The following SMAD7 variants were observed in gnomAD, a reference collection of about 807,000 sequenced individuals.
The protein encoded by SMAD7 is SMAD family member 7, also known as MAD (mothers against decapentaplegic, Drosophila) homolog 7.
In SMAD7, 8 loss-of-function variants were observed where a neutral mutation model predicts 38.7. The ratio of observed to expected loss-of-function variants is 0.21; its 90% confidence interval spans 0.12 to 0.37. The LOEUF (loss-of-function observed/expected upper bound fraction) is 0.37, where lower values mean the gene tolerates loss of function less well. SMAD7 is among the 10% of genes least tolerant of loss of function. The pLI, the probability that SMAD7 is intolerant of heterozygous loss-of-function variation, is 1.00. For synonymous variants in SMAD7, 327 were observed against 265.1 expected, an observed-to-expected ratio of 1.23 and a Z score of -2.27; for missense variants, 477 against 577.9, an observed-to-expected ratio of 0.83 and a Z score of 1.79.
intron 3 of SMAD7, among the ~76,000 whole-genome samples, 191 bp downstream of exon 3, chr18:48,942,290 C>G (rs1273277198): frequency 6.6e-6 from 1 of 152,162 alleles, no homozygotes; most frequent in Non-Finnish European, 1.5e-5. Context: ...GTGTCCAGAG[C>G]GTAAAGGACT....
chr18:48,921,272 G>C lies in SMAD7; in HGVS notation c.*100C>G. The C allele has an allele frequency of 1.9e-6, 2 of 1,043,014 alleles. No homozygotes were observed. Among genetic ancestry groups the C allele is most frequent in the Admixed American group, 2.5e-5 (1 of 40,712 alleles). 64.6% of individuals were successfully genotyped at this position (1,043,014 alleles called of 1,614,324 possible). ...AACAAACAAAAAAAAAACGACCAAA[G>C]AGTTTGCATGAAAAGCAAGCACTCA... On this transcript the variant is annotated 3_prime_UTR_variant, in exon 4 of 4. Transcript: ENST00000262158. This position sits in a 1 kb window ranked among gnomAD's most constrained non-coding sequence, Gnocchi z 6.4.
chr18:48,939,361 C>A (rs1301781633), intron 3 of SMAD7, among the ~76,000 whole-genome samples: 1 of 151,864 alleles, frequency 6.6e-6, no homozygotes, highest in South Asian at 2.1e-4. Context: ...AACGACCAGG[C>A]CTGTCGTCTA....
At position 48,943,110 on chromosome 18, in the gene SMAD7, T is replaced by C. The variant is rs141885702; in HGVS notation, c.668-555A>G. Reference sequence around the variant, plus strand: ...CAAAATCCCAAGTAGACGCAATGAATGTTACTCATGTATACATCTGTGTAA... The same window carrying C: ...CAAAATCCCAAGTAGACGCAATGAACGTTACTCATGTATACATCTGTGTAA... On this transcript the variant is annotated intron_variant, in intron 2 of 3. Coordinates refer to ENST00000262158, the MANE Select transcript of SMAD7 (RefSeq NM_005904.4). 3.2e-3 allele frequency among the ~76,000 whole-genome samples: 486 copies of C among 152,330 alleles called. 2 individuals are homozygous for C. Among genetic ancestry groups the C allele is most frequent in the Non-Finnish European group, 5.4e-3 (365 of 68,030 alleles).
intron 3 of SMAD7, among the ~76,000 whole-genome samples, chr18:48,932,746 G>A (rs756918510): frequency 3.5e-4 from 54 of 152,164 alleles, no homozygotes; most frequent in Non-Finnish European, 3.5e-4. Context: ...TCACACACAG[G>A]GCTGACACCT....
Position 48,942,516 on chromosome 18 carries a change from CCT to C in SMAD7, c.705_706del (p.Gly237AsnfsTer52). On this transcript the variant is annotated frameshift_variant, in exon 3 of 4. Coordinates refer to ENST00000262158, the MANE Select transcript of SMAD7 (RefSeq NM_005904.4). LOFTEE classifies it high-confidence loss of function. ...CCCAGGGGCCAGATAATTCGTTCCC[CCT>C]GTTTCAGCGGAGGAAGGCACAGCAT... 6.2e-7 allele frequency: 1 copy of C among 1,607,518 alleles called. No individual in the cohort carries two copies. The highest frequency in any genetic ancestry group is 8.5e-7 in the Non-Finnish European group (1 of 1,177,756).
At chr18:48,935,471 C>T (rs1047776324) in intron 3 of SMAD7, among the ~76,000 whole-genome samples, 6 of 152,234 alleles carry the variant, frequency 3.9e-5, no homozygotes, top group African/African-American at 1.4e-4. Flanking sequence ...GGTGCCCGGG[C>T]CAGTCACCTA....
At chr18:48,923,638 G>A (rs372357311) in intron 3 of SMAD7, among the ~76,000 whole-genome samples, 1 of 152,220 alleles carries the variant, frequency 6.6e-6, no homozygotes, top group African/African-American at 2.4e-5. Context: ...CCAAATGCCT[G>A]CCCCAAAAGC....
intron 2 of SMAD7, 31 bp from the exon 3 acceptor site, chr18:48,942,586 T>G (rs779144636): frequency 2.5e-6 from 4 of 1,613,214 alleles, no homozygotes; most frequent in East Asian, 2.2e-5. Context: ...GAGAAAGAAA[T>G]AAATACACAA....
rs1555716118 is a variant in SMAD7 at position 48,929,569 on chromosome 18, T to TCACACACACACACACACACACACACA, written c.743-7660_743-7659insTGTGTGTGTGTGTGTGTGTGTGTGTG. ...CTCTCTTTCTCTCTCTCTCTCTCTC[T>TCACACACACACACACACACACACACA]CACTCACACACACACACACACACAC... On this transcript the variant is annotated intron_variant, in intron 3 of 3. Transcript: ENST00000262158. 4.9e-4 allele frequency among the ~76,000 whole-genome samples: 56 copies of TCACACACACACACACACACACACACA among 114,598 alleles called. 1 individual carries two copies. The highest frequency in any genetic ancestry group is 1.7e-3 in the African/African-American group (49 of 28,936). 75.2% of individuals were successfully genotyped at this position (114,598 alleles called of 152,430 possible). A position where few individuals can be genotyped will look rare whatever the true frequency, so the allele number is the denominator to read the frequency against.
chr18:48,929,146 T>G (rs1158509982), intron 3 of SMAD7, among the ~76,000 whole-genome samples: 2 of 152,070 alleles, frequency 1.3e-5, no homozygotes, highest in Non-Finnish European at 2.9e-5. Context: ...TCGAATCATT[T>G]CTCGAGTTCA....
chr18:48,926,581 C>A (rs772001251), intron 3 of SMAD7, among the ~76,000 whole-genome samples: 1 of 152,244 alleles, frequency 6.6e-6, no homozygotes, highest in Non-Finnish European at 1.5e-5. Context: ...GGAGGAAGGG[C>A]GCCTGGGCAG....
In SMAD7 at chr18:48,921,201, GAAACA is replaced by G. The variant is rs2069854012; in HGVS notation, c.*166_*170del. 1 of 602,358 alleles carries G rather than the reference GAAACA, an allele frequency of 1.7e-6. No individual in the cohort carries two copies. Among genetic ancestry groups the G allele is most frequent in the Non-Finnish European group, 2.8e-6 (1 of 356,832 alleles). The allele number at this position is 602,358 out of a possible 1,614,324, so 37.3% of individuals were successfully genotyped here. On this transcript the variant is annotated 3_prime_UTR_variant, in exon 4 of 4. Transcript: ENST00000262158. The surrounding 1 kb of genome is among the most constrained non-coding windows in gnomAD (Gnocchi z 6.4). ...TTTCATAAGCTATTTCTCAAAGAGC[GAAACA>G]AAACAGAACACAAACGAGGACGAGA...
chr18:48,941,101 T>C (rs1266138224), intron 3 of SMAD7, among the ~76,000 whole-genome samples: 1 of 152,196 alleles, frequency 6.6e-6, no homozygotes, highest in Non-Finnish European at 1.5e-5. Flanking sequence ...GTTATTCTGC[T>C]GAGACCCTTT....
chr18:48,928,040 A>T (rs536946559), intron 3 of SMAD7, among the ~76,000 whole-genome samples: 4 of 152,200 alleles, frequency 2.6e-5, no homozygotes, highest in Non-Finnish European at 4.4e-5. Context: ...TTCAGAACAC[A>T]CTTTGGAAAT....
At chr18:48,927,838 AG>A (rs901743444) in intron 3 of SMAD7, among the ~76,000 whole-genome samples, 11 of 152,180 alleles carry the variant, frequency 7.2e-5, no homozygotes, top group African/African-American at 2.7e-4. Flanking sequence ...GTGTTCTCTA[AG>A]TGGCTCATGA....
Position 48,949,792 on chromosome 18 carries a change from G to T in SMAD7, c.613+20C>A. The T allele has an allele frequency of 6.3e-7, 1 of 1,578,286 alleles. No individual in the cohort carries two copies. The highest frequency in any genetic ancestry group is 8.6e-7 in the Non-Finnish European group (1 of 1,161,264). On this transcript the variant is annotated intron_variant, in intron 1 of 3. Transcript: ENST00000262158. ...ACTGGCGCTCCGGAAAATGTTGGGG[G>T]TAGGGGGACAACTTCTCACCTAGTT...
intron 3 of SMAD7, among the ~76,000 whole-genome samples, chr18:48,940,259 G>T (rs747631397): frequency 1.3e-5 from 2 of 152,204 alleles, no homozygotes; most frequent in Non-Finnish European, 2.9e-5. Context: ...CAAAACAAAT[G>T]CTCTTGCCAT....
intron 3 of SMAD7, among the ~76,000 whole-genome samples, chr18:48,929,550 TTCTC>T (rs377221337): frequency 7.7e-5 from 6 of 77,518 alleles, no homozygotes; most frequent in South Asian, 1.1e-3. Context: ...CTTTCTCTCT[TTCTC>T]TCTCTCTCTC....
chr18:48,948,430 G>A lies in SMAD7; in HGVS notation c.621C>T (p.Pro207=), dbSNP rs1599237506. Residue 207 remains proline (P), a synonymous_variant, in exon 2 of 4, where the codon CCC becomes CCT. Coordinates refer to ENST00000262158, the MANE Select transcript of SMAD7 (RefSeq NM_005904.4). ...HLSRLCELES[P]PPPYSRYPMD... is the part of the protein sequence containing the mutation. Reference sequence around the variant, plus strand: ...TCGGGTATCTGGAGTAAGGAGGGGGGGGAGACTCTGAAATTAAAAAAGCAA... The same window carrying A: ...TCGGGTATCTGGAGTAAGGAGGGGGAGGAGACTCTGAAATTAAAAAAGCAA... The A allele has an allele frequency of 3.1e-6, 5 of 1,594,416 alleles. No homozygotes were observed. Among genetic ancestry groups the A allele is most frequent in the Admixed American group, 3.6e-5 (2 of 55,448 alleles).
Sources: allele counts gnomAD v4.1 joint callset (sites outside exome capture counted in the v4.1 genomes callset), GRCh38; gene constraint gnomAD v4.1.1; non-coding constraint Gnocchi (gnomAD v3.1); transcripts MANE v1.5; gene names NCBI Gene and HGNC (gene_info 2026-07-23, HGNC 2026-07-21).